Variants in POMK observed in about 807,000 individuals in gnomAD.
POMK encodes Sugen kinase 196.
Under a neutral mutation model 23.0 loss-of-function variants are expected in POMK, and 19 were observed. The observed-to-expected ratio is 0.83, with a 90% CI of 0.58 to 1.21. POMK has a LOEUF of 1.21. POMK is among the 50% of genes most tolerant of loss of function. The pLI, the probability that POMK is intolerant of heterozygous loss-of-function variation, is 0.00. For synonymous variants in POMK, 173 were observed against 171.6 expected, an observed-to-expected ratio of 1.01 and a Z score of -0.06; for missense variants, 410 against 431.3, an observed-to-expected ratio of 0.95 and a Z score of 0.44.
intron 4 of POMK, among the ~76,000 whole-genome samples, chr8:43,121,152 C>T (rs1452908927): frequency 2.0e-5 from 3 of 152,164 alleles, no homozygotes; most frequent in Non-Finnish European, 4.4e-5. Flanking sequence ...GTTAGAGTCT[C>T]TTGATAAATA....
chr8:43,113,365 C>CT (rs1811722646), intron 4 of POMK, among the ~76,000 whole-genome samples: 1 of 152,182 alleles, frequency 6.6e-6, no homozygotes, highest in African/African-American at 2.4e-5. Context: ...TTCATTTCGT[C>CT]TTCCATCACT....
intron 4 of POMK, among the ~76,000 whole-genome samples, chr8:43,117,328 A>G (rs943637129): frequency 2.0e-5 from 3 of 152,020 alleles, no homozygotes; most frequent in African/African-American, 7.2e-5. Context: ...AAGAAAAATC[A>G]TAAGAAAAAA....
chr8:43,101,792 T>TA (rs1005960416), intron 2 of POMK, among the ~76,000 whole-genome samples: 99 of 152,310 alleles, frequency 6.5e-4, no homozygotes, highest in African/African-American at 2.2e-3. Context: ...TTCTAGGTAG[T>TA]AAAAAAGGAG....
intron 4 of POMK, among the ~76,000 whole-genome samples, chr8:43,105,820 T>G (rs79273463): frequency 6.7e-6 from 1 of 148,266 alleles, no homozygotes; most frequent in Non-Finnish European, 1.5e-5. Flanking sequence ...TGTGCCACCA[T>G]GCCCGGCTAA....
intron 4 of POMK, among the ~76,000 whole-genome samples, chr8:43,120,986 A>G (rs889476868): frequency 2.0e-5 from 3 of 152,170 alleles, no homozygotes; most frequent in African/African-American, 7.2e-5. Flanking sequence ...CCACCCTGCT[A>G]GTTTCTAAAA....
intron 4 of POMK, 30 bp downstream of exon 4, chr8:43,103,860 C>A: frequency 6.2e-7 from 1 of 1,609,164 alleles, no homozygotes; most frequent in South Asian, 1.1e-5. Flanking sequence ...CGATTGCTGT[C>A]ATCCTGTTAT....
At chr8:43,106,558 G>T in intron 4 of POMK, among the ~76,000 whole-genome samples, 1 of 141,534 alleles carries the variant, frequency 7.1e-6, no homozygotes, top group African/African-American at 2.7e-5. Context: ...CGCCCAGGCT[G>T]GAGTGCTGTG....
intron 4 of POMK, among the ~76,000 whole-genome samples, chr8:43,120,803 A>G (rs567571356): frequency 4.9e-4 from 74 of 150,190 alleles, no homozygotes; most frequent in Non-Finnish European, 8.9e-4. Flanking sequence ...TCAGCCTCCC[A>G]GGTAGCTGGG....
intron 1 of POMK, among the ~76,000 whole-genome samples, chr8:43,096,656 A>C (rs980717688): frequency 6.6e-6 from 1 of 151,480 alleles, no homozygotes; most frequent in Admixed American, 6.6e-5. Context: ...CTGGTGACAG[A>C]GTGAGACTCC....
In POMK at chr8:43,122,542, A is replaced by T. The variant is rs1811942695; in HGVS notation, c.718A>T (p.Met240Leu). The change falls in exon 5 of 5, where the codon ATG becomes TTG. Residue 240 changes from methionine (M) to leucine (L), a missense_variant. Met to Leu is a conservative substitution (Grantham distance 15). Coordinates refer to ENST00000331373, the MANE Select transcript of POMK (RefSeq NM_032237.5). ...ACCCCTGGTGAACCACAGCTCCGGG[A>T]TGCTGGTGAAGTGCGGCCACAGGGA... Reference protein sequence around the residue: ...ALPLVNHSSGMLVKCGHRELH... With the variant: ...ALPLVNHSSGLLVKCGHRELH... 1 of 1,614,026 alleles carries T rather than the reference A, an allele frequency of 6.2e-7. No homozygotes were observed. The highest frequency in any genetic ancestry group is 1.1e-5 in the South Asian group (1 of 91,086).
chr8:43,122,491 A>G lies in POMK; in HGVS notation c.667A>G (p.Ile223Val). Reference protein sequence around the residue: ...SQYLLTSNFSILANDLDALPL... With the variant: ...SQYLLTSNFSVLANDLDALPL... ...GTATCTGCTAACAAGCAACTTCAGC[A>G]TTTTGGCAAATGACTTGGACGCCTT... Residue 223 changes from isoleucine (I) to valine (V), a missense_variant, in exon 5 of 5, where the codon ATT becomes GTT. By Grantham distance (29) the Ile-to-Val change is conservative. Coordinates refer to ENST00000331373, the MANE Select transcript of POMK (RefSeq NM_032237.5). The G allele has an allele frequency of 3.1e-6, 5 of 1,614,168 alleles. No homozygotes were observed. The highest frequency in any genetic ancestry group is 4.2e-6 in the Non-Finnish European group (5 of 1,180,036).
At chr8:43,113,660 C>T (rs938758912) in intron 4 of POMK, among the ~76,000 whole-genome samples, 4 of 152,240 alleles carry the variant, frequency 2.6e-5, no homozygotes, top group Non-Finnish European at 5.9e-5. Context: ...TGAGGAGGTG[C>T]ATTCCTTTGG....
intron 4 of POMK, among the ~76,000 whole-genome samples, chr8:43,114,884 G>C (rs957110705): frequency 2.0e-5 from 3 of 150,932 alleles, no homozygotes; most frequent in African/African-American, 7.3e-5. Flanking sequence ...TGTAGATTTG[G>C]GGCAACAGGT....
chr8:43,098,036 C>T (rs1811369412), intron 2 of POMK, among the ~76,000 whole-genome samples: 1 of 152,112 alleles, frequency 6.6e-6, no homozygotes, highest in South Asian at 2.1e-4. Flanking sequence ...TAAGGCAGGG[C>T]TTGGCCAACC....
At chr8:43,108,475 G>T (rs767018961) in intron 4 of POMK, among the ~76,000 whole-genome samples, 10 of 152,104 alleles carry the variant, frequency 6.6e-5, no homozygotes, top group Non-Finnish European at 1.2e-4. Context: ...ACAAATATGC[G>T]CCAAATTTTA....
At position 43,103,686 on chromosome 8, in the gene POMK, A is replaced by C; in HGVS notation, c.138A>C (p.Arg46=). 6.2e-6 allele frequency: 10 copies of C among 1,614,090 alleles called. No homozygotes were observed. Among genetic ancestry groups the C allele is most frequent in the Non-Finnish European group, 8.5e-6 (10 of 1,180,030 alleles). ...LCLDHFFIAP[R]QSTVDPTHCP... is the part of the protein sequence containing the mutation. Reference sequence around the variant, plus strand: ...TCGACCACTTCTTCATCGCTCCTCGACAATCCACTGTGGACCCCACACACT... The same window carrying C: ...TCGACCACTTCTTCATCGCTCCTCGCCAATCCACTGTGGACCCCACACACT... The change falls in exon 4 of 5, where the codon CGA becomes CGC. Residue 46 remains arginine (R), a synonymous_variant. Transcript: ENST00000331373.
intron 4 of POMK, among the ~76,000 whole-genome samples, chr8:43,109,842 G>C (rs1312492319): frequency 6.6e-6 from 1 of 152,160 alleles, no homozygotes; most frequent in Non-Finnish European, 1.5e-5. Flanking sequence ...CACCTGGCTT[G>C]CCATAAGGTA....
intron 4 of POMK, among the ~76,000 whole-genome samples, chr8:43,111,322 T>C (rs1425542323): frequency 6.6e-6 from 1 of 152,164 alleles, no homozygotes; most frequent in Non-Finnish European, 1.5e-5. Flanking sequence ...CCTCACTCAT[T>C]GCTAGCACAG....
In POMK at chr8:43,122,433, C is replaced by T. The variant is rs567303957; in HGVS notation, c.609C>T (p.Cys203=). ...GCCCTGTGGGCACACGGGTCATGTGCGACTCCAACGACCTGCCGAAGACAC... is the reference window on the plus strand; with the variant it reads ...GCCCTGTGGGCACACGGGTCATGTGTGACTCCAACGACCTGCCGAAGACAC... ...HHSPVGTRVM[C]DSNDLPKTLS... Residue 203 remains cysteine, a synonymous_variant, in exon 5 of 5, where the codon TGC becomes TGT. Transcript: ENST00000331373. The T allele has an allele frequency of 2.2e-4, 353 of 1,614,132 alleles. 1 individual carries two copies. Among genetic ancestry groups the T allele is most frequent in the Middle Eastern group, 1.2e-3 (7 of 6,062 alleles).
Sources: gnomAD v4.1 joint callset for allele counts (sites outside exome capture counted in the v4.1 genomes callset) on GRCh38, gnomAD v4.1.1 for gene constraint, MANE v1.5 for transcripts, NCBI Gene and HGNC (gene_info 2026-07-23, HGNC 2026-07-21) for gene names.